The following ADGRV1 variants were observed in gnomAD, a reference collection of about 807,000 sequenced individuals.
ADGRV1 encodes the protein adhesion G protein-coupled receptor V1.
ADGRV1 carries 359 observed loss-of-function variants against 596.2 expected under a neutral mutation model. The ratio of observed to expected loss-of-function variants is 0.60; its 90% CI spans 0.55 to 0.66. ADGRV1 has a LOEUF of 0.66. Ranked by LOEUF, ADGRV1 falls within the 30% of genes least tolerant of loss-of-function variation. The pLI, the probability that ADGRV1 is intolerant of heterozygous loss-of-function variation, is 0.00. For synonymous variants in ADGRV1, 2,681 were observed against 2,679.2 expected, an observed-to-expected ratio of 1.00 and a Z score of -0.02; for missense variants, 7,274 against 7,575.6, an observed-to-expected ratio of 0.96 and a Z score of 1.48.
Position 90,684,129 on chromosome 5 carries a change from A to G in ADGRV1, c.6208A>G (p.Arg2070Gly). ...ISILDDDEPERSESVFIELLN... is the reference protein window; with the variant it reads ...ISILDDDEPEGSESVFIELLN... Reference sequence around the variant, plus strand: ...AATTTTGGATGATGATGAGCCAGAAAGGTCCGAATCTGTCTTTATCGAACT... The same window carrying G: ...AATTTTGGATGATGATGAGCCAGAAGGGTCCGAATCTGTCTTTATCGAACT... Residue 2070 changes from arginine (R) to glycine (G), a missense_variant, in exon 28 of 90, where the codon AGG (arginine) becomes GGG (glycine). Arg to Gly is a moderately radical substitution (Grantham distance 125, BLOSUM62 -2). This residue lies in a region of ADGRV1 where 3,643 missense variants were observed against 3,809.2 expected (regional missense o/e 0.96). Coordinates refer to ENST00000405460, the MANE Select transcript of ADGRV1 (RefSeq NM_032119.4). The G allele has an allele frequency of 1.2e-6, 2 of 1,613,902 alleles. No individual in the cohort carries two copies. The highest frequency in any genetic ancestry group is 8.5e-7 in the Non-Finnish European group (1 of 1,179,866).
chr5:90,840,075 A>C (rs1169334462), intron 77 of ADGRV1, among the ~76,000 whole-genome samples: 1 of 152,250 alleles, frequency 6.6e-6, no homozygotes, highest in Non-Finnish European at 1.5e-5. Flanking sequence ...AGAGGTATAT[A>C]TGTCCAGGAC....
At position 90,848,965 on chromosome 5, in the gene ADGRV1, T is replaced by A. The variant is rs1278423072; in HGVS notation, c.17204+144T>A. On this transcript the variant is annotated intron_variant, in intron 79 of 89. Coordinates refer to ENST00000405460, the MANE Select transcript of ADGRV1 (RefSeq NM_032119.4). ...ATTGTACCACTTGGAAAGTTGAAGT[T>A]AATTATTTGAAGGAAACATAGCAGG... 5.4e-6 allele frequency: 3 copies of A among 552,632 alleles called. No individual in the cohort carries two copies. In the East Asian group the frequency reaches 1.0e-4, roughly 19 times the overall value. The allele number at this position is 552,632 out of a possible 1,614,324, so 34.2% of individuals were successfully genotyped here.
intron 87 of ADGRV1, among the ~76,000 whole-genome samples, chr5:91,137,753 C>T (rs144251953): frequency 1.3e-5 from 2 of 152,176 alleles, no homozygotes; most frequent in Non-Finnish European, 2.9e-5. Flanking sequence ...CATTAGACTA[C>T]ATGAGTGGCC....
chr5:91,089,369 G>C (rs1790185887), intron 86 of ADGRV1, among the ~76,000 whole-genome samples: 1 of 151,956 alleles, frequency 6.6e-6, no homozygotes, highest in African/African-American at 2.4e-5. Context: ...CATTAATAGA[G>C]AGTCAAAGGA....
At chr5:90,582,740 CA>C (rs1357560031) in intron 1 of ADGRV1, among the ~76,000 whole-genome samples, 1 of 152,004 alleles carries the variant, frequency 6.6e-6, no homozygotes, top group East Asian at 1.9e-4. Context: ...AATTAAAAAA[CA>C]AAACATTATT....
chr5:90,666,700 T>C (rs1771467684), intron 21 of ADGRV1, among the ~76,000 whole-genome samples: 1 of 151,608 alleles, frequency 6.6e-6, no homozygotes, highest in African/African-American at 2.4e-5. Context: ...AGTTTCTTCC[T>C]AGTCTCGATG....
At chr5:90,904,846 T>C (rs1772170210) in intron 83 of ADGRV1, among the ~76,000 whole-genome samples, 1 of 152,126 alleles carries the variant, frequency 6.6e-6, no homozygotes, top group Admixed American at 6.6e-5. Flanking sequence ...CAATGTTATC[T>C]TGTCAGAACT....
chr5:90,811,395 T>G, intron 74 of ADGRV1, 57 bp downstream of exon 74: 1 of 1,427,158 alleles, frequency 7.0e-7, no homozygotes, highest in South Asian at 1.5e-5. Context: ...TAATTTGTAT[T>G]AAGGTGAATC....
At chr5:90,798,802 A>G (rs1363704058) in intron 70 of ADGRV1, among the ~76,000 whole-genome samples, 1 of 152,234 alleles carries the variant, frequency 6.6e-6, no homozygotes, top group East Asian at 1.9e-4. Context: ...AATCCATCAC[A>G]GAAACAGAAG....
chr5:91,049,989 C>T (rs1040428014), intron 85 of ADGRV1, among the ~76,000 whole-genome samples: 2 of 152,204 alleles, frequency 1.3e-5, no homozygotes, highest in African/African-American at 4.8e-5. Context: ...GTTCCTCTGA[C>T]ATGAGTCATG....
At chr5:90,614,684 T>C in intron 1 of ADGRV1, 151 bp from the exon 2 acceptor site, 1 of 700,818 alleles carries the variant, frequency 1.4e-6, no homozygotes, top group Non-Finnish European at 2.6e-6. Context: ...TCGTCACATA[T>C]TTGAGTTTGA....
At chr5:91,113,498 G>A (rs537594548) in intron 87 of ADGRV1, among the ~76,000 whole-genome samples, 14 of 152,258 alleles carry the variant, frequency 9.2e-5, no homozygotes, top group Admixed American at 9.2e-4. Flanking sequence ...GGTGTCCACA[G>A]CTCAAAGATT....
Position 90,823,496 on chromosome 5 carries a change from G to C in ADGRV1, c.16268G>C (p.Gly5423Ala), listed in dbSNP as rs762908939. ...ACAGTCGTCGTGCTCCAGAAGGATG[G>C]GGTAAACCTGGTGGAGGAACTTCAG... Reference protein sequence around the residue: ...NKTVVVLQKDGVNLVEELQSV... With the variant: ...NKTVVVLQKDAVNLVEELQSV... The change falls in exon 76 of 90, where the codon GGG (glycine) becomes GCG (alanine). Residue 5423 changes from glycine to alanine, a missense_variant. This residue lies in a region of ADGRV1 where 1,874 missense variants were observed against 1,970.2 expected (regional missense o/e 0.95). Transcript: ENST00000405460. The C allele has an allele frequency of 6.2e-7, 1 of 1,613,698 alleles. No individual in the cohort carries two copies. The highest frequency in any genetic ancestry group is 1.3e-5 in the African/African-American group (1 of 74,922).
chr5:90,807,550 A>C (rs1313974874), intron 72 of ADGRV1, 52 bp from the exon 73 acceptor site: 14 of 1,520,558 alleles, frequency 9.2e-6, no homozygotes, highest in Non-Finnish European at 1.3e-5. Context: ...GTCAAATCCC[A>C]ATTTAAGAAA....
intron 85 of ADGRV1, among the ~76,000 whole-genome samples, chr5:91,024,143 C>T (rs1783847628): frequency 6.6e-6 from 1 of 152,130 alleles, no homozygotes; most frequent in Admixed American, 6.5e-5. Context: ...TAAACACTCA[C>T]ACCTGTAACA....
At chr5:90,807,564 A>T in intron 72 of ADGRV1, 38 bp from the exon 73 acceptor site, 2 of 1,575,558 alleles carry the variant, frequency 1.3e-6, no homozygotes, top group Non-Finnish European at 1.7e-6. Flanking sequence ...TAAGAAAAGA[A>T]ATAATACCCT....
Position 90,745,113 on chromosome 5 carries a change from C to T in ADGRV1, c.10617C>T (p.Phe3539=). 6.2e-7 allele frequency: 1 copy of T among 1,613,740 alleles called. No individual in the cohort carries two copies. The highest frequency in any genetic ancestry group is 8.5e-7 in the Non-Finnish European group (1 of 1,179,772). ...LYCWNSERNQ[F]SFVLEVPSAY... ...GCTGGAATTCGGAGCGTAATCAATTCTCTTTTGTTCTGGAAGTACCTTCTG... is the reference window on the plus strand; with the variant it reads ...GCTGGAATTCGGAGCGTAATCAATTTTCTTTTGTTCTGGAAGTACCTTCTG... Residue 3539 remains phenylalanine, a synonymous_variant, in exon 51 of 90, where the codon TTC becomes TTT. Coordinates refer to ENST00000405460, the MANE Select transcript of ADGRV1 (RefSeq NM_032119.4).
chr5:91,162,488 G>A (rs1797037916), intron 89 of ADGRV1, among the ~76,000 whole-genome samples: 1 of 152,142 alleles, frequency 6.6e-6, no homozygotes, highest in Non-Finnish European at 1.5e-5. Flanking sequence ...GAGACATTAG[G>A]AGAGAGTGCA....
chr5:90,718,774 T>C (rs890174260), intron 43 of ADGRV1, among the ~76,000 whole-genome samples: 1 of 151,982 alleles, frequency 6.6e-6, no homozygotes. Context: ...TCTTTAAAAT[T>C]TTTCTCAAAT....
Sources: gnomAD v4.1 joint callset for allele counts (sites outside exome capture counted in the v4.1 genomes callset) on GRCh38, gnomAD v4.1.1 for gene constraint, gnomAD v4.1.1 regional missense constraint, MANE v1.5 for transcripts, NCBI Gene and HGNC (gene_info 2026-07-23, HGNC 2026-07-21) for gene names.